Variants in SIPA1L3 observed in about 807,000 individuals in gnomAD.
The protein encoded by SIPA1L3 is signal induced proliferation associated 1 like 3, also known as signal-induced proliferation-associated 1-like protein 3.
A neutral mutation model predicts 150.1 loss-of-function variants in SIPA1L3; 59 were observed. The observed-to-expected ratio is 0.39, with a 90% CI of 0.32 to 0.49. The LOEUF (loss-of-function observed/expected upper bound fraction) is 0.49, where lower values mean the gene tolerates loss of function less well. Among genes scored for constraint, SIPA1L3 ranks in the 20% least tolerant of loss-of-function variants. The pLI is 0.86. For synonymous variants in SIPA1L3, 1,070 were observed against 1,077.6 expected, an observed-to-expected ratio of 0.99 and a Z score of 0.14; for missense variants, 2,211 against 2,489.5, an observed-to-expected ratio of 0.89 and a Z score of 2.38.
intron 2 of SIPA1L3, among the ~76,000 whole-genome samples, chr19:38,054,675 CAAG>C (rs1969277929): frequency 1.3e-5 from 2 of 152,204 alleles, no homozygotes; most frequent in African/African-American, 4.8e-5. Flanking sequence ...CTCTTGGTCA[CAAG>C]GAGAGGCCTT....
chr19:38,131,928 A>G (rs1342941445), intron 10 of SIPA1L3, among the ~76,000 whole-genome samples: 1 of 151,824 alleles, frequency 6.6e-6, no homozygotes, highest in Non-Finnish European at 1.5e-5. Context: ...CACTGCGTCC[A>G]GCCAACAGCA....
At chr19:38,010,901 T>G (rs1382027284) in intron 1 of SIPA1L3, among the ~76,000 whole-genome samples, 1 of 152,132 alleles carries the variant, frequency 6.6e-6, no homozygotes, top group African/African-American at 2.4e-5. Flanking sequence ...TCATCAAGAT[T>G]GTGCTGAACC....
At chr19:38,102,053 T>TC (rs1045751317) in intron 6 of SIPA1L3, among the ~76,000 whole-genome samples, 4 of 148,428 alleles carry the variant, frequency 2.7e-5, no homozygotes, top group Admixed American at 6.6e-5. Flanking sequence ...TCTTTTCTTT[T>TC]TTTTTTTTTT....
At chr19:38,108,988 T>C (rs1283327275) in intron 7 of SIPA1L3, among the ~76,000 whole-genome samples, 1 of 149,928 alleles carries the variant, frequency 6.7e-6, no homozygotes, top group Non-Finnish European at 1.5e-5. Flanking sequence ...AAACTCAGTC[T>C]CCAAAAAAAA....
rs536990786 is a variant in SIPA1L3, at chr19:37,947,227, C to T, written c.-379+39869C>T. Among the ~76,000 whole-genome samples the T allele has an allele frequency of 2.4e-4, 37 of 151,572 alleles. 1 individual carries two copies. Among genetic ancestry groups the T allele is most frequent in the Non-Finnish European group, 3.4e-4 (23 of 67,908 alleles). On this transcript the variant is annotated intron_variant, in intron 1 of 21. Transcript: ENST00000222345. ...AAATCCGTCCAGGCATGGCGGCCCA[C>T]GCCTGTAATCCCAGCACTTTGGGAG... is the stretch of plus-strand genomic sequence containing the variant.
At chr19:38,044,871 C>T (rs1465458784) in intron 2 of SIPA1L3, among the ~76,000 whole-genome samples, 2 of 151,988 alleles carry the variant, frequency 1.3e-5, no homozygotes, top group African/African-American at 4.8e-5. Flanking sequence ...TTACTTAGTG[C>T]CTGGTGCCAC....
intron 1 of SIPA1L3, among the ~76,000 whole-genome samples, chr19:37,937,149 C>T (rs1184106219): frequency 6.6e-6 from 1 of 152,158 alleles, no homozygotes; most frequent in East Asian, 1.9e-4. Context: ...AGGCGTGAGC[C>T]ACCATACCTG....
At position 37,994,341 on chromosome 19, in the gene SIPA1L3, G is replaced by T. The variant is rs112317385; in HGVS notation, c.-378-34748G>T. ...AAGTAAGCCGTAGCTCAGGTGCTCT[G>T]GGATATGGTACAAGTGGCGCCAGTG... On this transcript the variant is annotated intron_variant, in intron 1 of 21. Transcript: ENST00000222345. Among the ~76,000 whole-genome samples, 464 of 152,326 alleles carry T rather than the reference G, an allele frequency of 3.0e-3. 1 individual carries two copies. Among genetic ancestry groups the T allele is most frequent in the African/African-American group, 0.011 (448 of 41,582 alleles).
intron 1 of SIPA1L3, among the ~76,000 whole-genome samples, chr19:37,958,074 C>T (rs353425): frequency 0.29 from 43,355 of 152,002 alleles, 7,370 homozygotes; most frequent in East Asian, 0.62. Context: ...TGTATGATTT[C>T]AGTCCTTTAA....
intron 3 of SIPA1L3, 29 bp from the exon 4 acceptor site, chr19:38,088,692 G>C: frequency 1.2e-6 from 2 of 1,608,570 alleles, no homozygotes; most frequent in Non-Finnish European, 1.7e-6. Flanking sequence ...AGACAGCTGA[G>C]CCTGAACTCG....
chr19:38,063,187 T>C (rs1969489962), intron 2 of SIPA1L3, among the ~76,000 whole-genome samples: 2 of 152,164 alleles, frequency 1.3e-5, no homozygotes, highest in South Asian at 2.1e-4. Context: ...TGCCAGCAGC[T>C]GGGTTTCCCC....
At chr19:38,168,758 G>A (rs1972261617) in intron 15 of SIPA1L3, among the ~76,000 whole-genome samples, 1 of 152,202 alleles carries the variant, frequency 6.6e-6, no homozygotes, top group East Asian at 1.9e-4. Flanking sequence ...TGAAGGCAAT[G>A]AAATGGGAGA....
At chr19:38,130,401 C>A in intron 9 of SIPA1L3, 97 bp from the exon 10 acceptor site, 1 of 1,298,516 alleles carries the variant, frequency 7.7e-7, no homozygotes, top group Non-Finnish European at 1.1e-6. Context: ...TGGGAGTTGG[C>A]AGGTTTTTGG....
At chr19:37,924,102 A>G (rs896002823) in intron 1 of SIPA1L3, among the ~76,000 whole-genome samples, 2 of 152,198 alleles carry the variant, frequency 1.3e-5, no homozygotes, top group African/African-American at 4.8e-5. Context: ...CACTTAGCTT[A>G]AAACACACCT....
chr19:38,132,459 C>G (rs1971333005), intron 10 of SIPA1L3, among the ~76,000 whole-genome samples: 2 of 150,762 alleles, frequency 1.3e-5, no homozygotes, highest in Admixed American at 1.3e-4. Context: ...TGGCGCATGC[C>G]TGTAATCCCA....
intron 1 of SIPA1L3, among the ~76,000 whole-genome samples, chr19:37,920,504 T>G (rs2046449637): frequency 6.6e-6 from 1 of 152,158 alleles, no homozygotes; most frequent in African/African-American, 2.4e-5. Context: ...GAAATAAGAT[T>G]GTCTGTGAGT....
rs552281712 is a variant in SIPA1L3, at chr19:37,972,412, A to G, written c.-378-56677A>G. Among the ~76,000 whole-genome samples the G allele has an allele frequency of 2.6e-5, 4 of 152,298 alleles. No homozygotes were observed. The South Asian group carries it at 6.2e-4, about 24-fold the overall frequency. On this transcript the variant is annotated intron_variant, in intron 1 of 21. Coordinates refer to ENST00000222345, the MANE Select transcript of SIPA1L3 (RefSeq NM_015073.3). ...TAAGTGCTATTTTGAGACGTTTGTA[A>G]GAACTGTGGGCTGGGTGTGGTGGCT...
At chr19:38,085,224 G>A (rs1970099163) in intron 3 of SIPA1L3, among the ~76,000 whole-genome samples, 1 of 152,086 alleles carries the variant, frequency 6.6e-6, no homozygotes, top group African/African-American at 2.4e-5. Flanking sequence ...GCTCACGCTT[G>A]TAATCCCAGC....
intron 1 of SIPA1L3, among the ~76,000 whole-genome samples, chr19:38,018,316 A>T (rs1968288187): frequency 6.6e-6 from 1 of 151,792 alleles, no homozygotes; most frequent in Non-Finnish European, 1.5e-5. Flanking sequence ...AGCGCGCACC[A>T]TCACGCCTGG....
Sources: gnomAD v4.1 joint callset for allele counts (sites outside exome capture counted in the v4.1 genomes callset) on GRCh38, gnomAD v4.1.1 for gene constraint, MANE v1.5 for transcripts, NCBI Gene and HGNC (gene_info 2026-07-23, HGNC 2026-07-21) for gene names.